The following PLPPR5 variants were observed in gnomAD, a reference collection of about 807,000 sequenced individuals.
PLPPR5 encodes phospholipid phosphatase related 5.
A neutral mutation model predicts 33.9 loss-of-function variants in PLPPR5; 16 were observed. The ratio of observed to expected loss-of-function variants is 0.47; its 90% CI spans 0.32 to 0.72. The LOEUF is 0.72. Among genes scored for constraint, PLPPR5 ranks in the 30% least tolerant of loss-of-function variants. The pLI is 0.03. For synonymous variants in PLPPR5, 163 were observed against 150.3 expected, an observed-to-expected ratio of 1.08 and a Z score of -0.62; for missense variants, 301 against 406.7, an observed-to-expected ratio of 0.74 and a Z score of 2.23.
At chr1:98,935,027 C>T (rs548097075) in intron 3 of PLPPR5, among the ~76,000 whole-genome samples, 7 of 152,242 alleles carry the variant, frequency 4.6e-5, no homozygotes, top group East Asian at 3.9e-4. Flanking sequence ...TTAGGTAATT[C>T]ACAGAGGGGC....
intron 1 of PLPPR5, among the ~76,000 whole-genome samples, chr1:98,983,417 T>G (rs1280485667): frequency 7.9e-6 from 1 of 125,788 alleles, no homozygotes; most frequent in Non-Finnish European, 1.7e-5. Flanking sequence ...GGACATGAAC[T>G]CATCATTTTT....
intron 1 of PLPPR5, among the ~76,000 whole-genome samples, chr1:98,978,380 G>A (rs1408273457): frequency 6.6e-6 from 1 of 151,938 alleles, no homozygotes; most frequent in Non-Finnish European, 1.5e-5. Flanking sequence ...ATTAATGATG[G>A]TTCGATGTTG....
chr1:98,949,769 G>C (rs1650706316), intron 3 of PLPPR5, among the ~76,000 whole-genome samples: 1 of 152,256 alleles, frequency 6.6e-6, no homozygotes, highest in Non-Finnish European at 1.5e-5. Context: ...TTTGCAGCAG[G>C]AGTTATATTC....
In PLPPR5 at chr1:98,950,033, G is replaced by C. The variant is rs309079; in HGVS notation, c.621+3037C>G. Among the ~76,000 whole-genome samples, 392 of 152,246 alleles carry C rather than the reference G, an allele frequency of 2.6e-3. 1 individual carries two copies. The highest frequency in any genetic ancestry group is 8.8e-3 in the African/African-American group (367 of 41,550). ...TGCACCCTTGGCTTTACAGTTTACT[G>C]GATGCTGGTATTATGCAGGAAAGAA... On this transcript the variant is annotated intron_variant, in intron 3 of 5. Coordinates refer to ENST00000263177, the MANE Select transcript of PLPPR5 (RefSeq NM_001037317.2).
chr1:98,995,056 G>A (rs1460607845), intron 1 of PLPPR5, among the ~76,000 whole-genome samples: 1 of 152,110 alleles, frequency 6.6e-6, no homozygotes, highest in African/African-American at 2.4e-5. Flanking sequence ...CTGCTAGTTA[G>A]AATGTAAATT....
rs534943534 is a variant in PLPPR5, at chr1:98,994,796, G to T, written c.237+9639C>A. Among the ~76,000 whole-genome samples the T allele has an allele frequency of 3.3e-5, 5 of 152,046 alleles. No homozygotes were observed. In the South Asian group the frequency reaches 1.0e-3, roughly 32 times the overall value. ...TGGATGTAAAAAAGAATTTTTCATT[G>T]ATGAAAGTAATGACTGAATTCGCAT... On this transcript the variant is annotated intron_variant, in intron 1 of 5. Coordinates refer to ENST00000263177, the MANE Select transcript of PLPPR5 (RefSeq NM_001037317.2).
chr1:98,917,745 C>G (rs1649410460), intron 4 of PLPPR5, among the ~76,000 whole-genome samples: 1 of 152,100 alleles, frequency 6.6e-6, no homozygotes, highest in Non-Finnish European at 1.5e-5. Context: ...TTACATGGAG[C>G]TGTGATTATT....
chr1:98,962,441 G>A (rs931748608), intron 1 of PLPPR5, among the ~76,000 whole-genome samples: 4 of 152,098 alleles, frequency 2.6e-5, no homozygotes, highest in African/African-American at 7.2e-5. Flanking sequence ...TCCATCAATT[G>A]CTAAATCCTG....
chr1:98,964,291 C>T (rs41487951), intron 1 of PLPPR5, among the ~76,000 whole-genome samples: 2 of 152,128 alleles, frequency 1.3e-5, no homozygotes, highest in Non-Finnish European at 2.9e-5. Context: ...TAACTGAGAT[C>T]GACTGAGAAG....
At chr1:98,972,704 C>A (rs1438652012) in intron 1 of PLPPR5, among the ~76,000 whole-genome samples, 2 of 151,956 alleles carry the variant, frequency 1.3e-5, no homozygotes, top group Non-Finnish European at 2.9e-5. Flanking sequence ...TGTTCAGTTA[C>A]CAACCTTACT....
intron 1 of PLPPR5, among the ~76,000 whole-genome samples, chr1:98,978,306 C>A (rs367939493): frequency 3.9e-4 from 60 of 152,046 alleles, no homozygotes; most frequent in African/African-American, 1.4e-3. Flanking sequence ...GCTACATTTT[C>A]AATTGGTCTC....
intron 5 of PLPPR5, among the ~76,000 whole-genome samples, chr1:98,908,423 G>A (rs987947470): frequency 3.9e-5 from 6 of 152,018 alleles, no homozygotes; most frequent in Middle Eastern, 3.2e-3. Context: ...AAATGTAAAC[G>A]TCTCCATCTC....
intron 1 of PLPPR5, among the ~76,000 whole-genome samples, chr1:98,978,319 A>G (rs984119773): frequency 1.3e-5 from 2 of 152,028 alleles, no homozygotes; most frequent in Admixed American, 1.3e-4. Flanking sequence ...TTGGTCTCGC[A>G]GTCTTTGATT....
intron 1 of PLPPR5, among the ~76,000 whole-genome samples, chr1:98,961,327 A>C (rs913651042): frequency 2.6e-5 from 4 of 152,232 alleles, no homozygotes; most frequent in Admixed American, 1.3e-4. Context: ...GAATTCAAAA[A>C]CAACTCCAAC....
chr1:98,902,593 T>C (rs1648736768), intron 5 of PLPPR5, among the ~76,000 whole-genome samples: 1 of 152,094 alleles, frequency 6.6e-6, no homozygotes, highest in African/African-American at 2.4e-5. Flanking sequence ...CAACAAAATG[T>C]TTTCACAGAA....
intron 5 of PLPPR5, among the ~76,000 whole-genome samples, chr1:98,903,152 T>A (rs1648758508): frequency 6.6e-6 from 1 of 152,148 alleles, no homozygotes; most frequent in African/African-American, 2.4e-5. Context: ...ATTTTACAAA[T>A]GAGAACACAG....
intron 3 of PLPPR5, among the ~76,000 whole-genome samples, chr1:98,930,126 A>G (rs1484656273): frequency 6.6e-6 from 1 of 152,200 alleles, no homozygotes; most frequent in Non-Finnish European, 1.5e-5. Flanking sequence ...TATGCACAAG[A>G]CATTTGGGTG....
chr1:98,913,698 A>T (rs1380918583), intron 5 of PLPPR5, among the ~76,000 whole-genome samples: 1 of 152,210 alleles, frequency 6.6e-6, no homozygotes, highest in East Asian at 1.9e-4. Flanking sequence ...CAATCAGAAC[A>T]CCTGATTAGT....
intron 3 of PLPPR5, among the ~76,000 whole-genome samples, chr1:98,929,277 T>C (rs375549817): frequency 1.3e-5 from 2 of 152,336 alleles, no homozygotes; most frequent in East Asian, 3.9e-4. Flanking sequence ...GAATTTTTGT[T>C]TGCTTTGTGA....
Sources: allele counts gnomAD v4.1 joint callset (sites outside exome capture counted in the v4.1 genomes callset), GRCh38; gene constraint gnomAD v4.1.1; transcripts MANE v1.5; gene names NCBI Gene and HGNC (gene_info 2026-07-23, HGNC 2026-07-21).